Variants in ALKBH8 observed in about 807,000 individuals in gnomAD.
ALKBH8 encodes tRNA (carboxymethyluridine(34)-5-O)-methyltransferase ALKBH8.
ALKBH8 carries 36 observed loss-of-function variants against 59.8 expected under a neutral mutation model. The observed-to-expected ratio is 0.60, with a 90% CI of 0.46 to 0.79. The LOEUF (loss-of-function observed/expected upper bound fraction) is 0.79, where lower values mean the gene tolerates loss of function less well. ALKBH8 is among the 30% of genes least tolerant of loss of function. The pLI, the probability that ALKBH8 is intolerant of heterozygous loss-of-function variation, is 0.00. For missense variants in ALKBH8, 768 were observed against 801.0 expected (o/e 0.96, Z 0.50); for synonymous variants, 276 against 273.6 (o/e 1.01, Z -0.09).
chr11:107,509,638 T>C (rs1862540209), intron 11 of ALKBH8, among the ~76,000 whole-genome samples: 2 of 152,190 alleles, frequency 1.3e-5, no homozygotes, highest in African/African-American at 2.4e-5. Flanking sequence ...AGCTCTTCTG[T>C]ATAAGTCTTT....
chr11:107,544,549 T>A (rs1033920911), intron 7 of ALKBH8, among the ~76,000 whole-genome samples: 1 of 152,142 alleles, frequency 6.6e-6, no homozygotes, highest in South Asian at 2.1e-4. Context: ...AAAAATAGAA[T>A]TCAATGTATA....
At chr11:107,525,710 G>C in intron 8 of ALKBH8, 118 bp from the exon 9 acceptor site, 1 of 673,592 alleles carries the variant, frequency 1.5e-6, no homozygotes, top group Non-Finnish European at 2.2e-6. Flanking sequence ...ATATCTATTG[G>C]ATTCCCTGAA....
chr11:107,564,316 G>T (rs1438321247), intron 1 of ALKBH8, among the ~76,000 whole-genome samples: 1 of 151,704 alleles, frequency 6.6e-6, no homozygotes, highest in African/African-American at 2.4e-5. Context: ...ATAATAGAGA[G>T]CCTATTATGA....
chr11:107,521,650 A>T (rs1349794172), intron 10 of ALKBH8, among the ~76,000 whole-genome samples: 2 of 152,168 alleles, frequency 1.3e-5, no homozygotes, highest in Admixed American at 1.3e-4. Flanking sequence ...TTCTTAGCAC[A>T]GCAGAAAAAA....
chr11:107,516,260 C>A (rs996061870), intron 10 of ALKBH8, among the ~76,000 whole-genome samples: 12 of 152,304 alleles, frequency 7.9e-5, no homozygotes, highest in Middle Eastern at 6.8e-3. Flanking sequence ...CCCATTGACT[C>A]TCAATATACA....
intron 11 of ALKBH8, among the ~76,000 whole-genome samples, chr11:107,506,445 A>G (rs1029148363): frequency 1.3e-5 from 2 of 152,094 alleles, no homozygotes; most frequent in African/African-American, 4.8e-5. Context: ...TCCCCAGACA[A>G]AGCCTTTTTA....
At chr11:107,556,726 C>G in intron 3 of ALKBH8, 40 bp downstream of exon 3, 1 of 1,293,542 alleles carries the variant, frequency 7.7e-7, no homozygotes, top group African/African-American at 1.5e-5. Context: ...AGAAAACACC[C>G]AGAAGAATCA....
intron 7 of ALKBH8, among the ~76,000 whole-genome samples, chr11:107,548,195 C>T (rs1013211183): frequency 2.0e-5 from 3 of 152,230 alleles, no homozygotes; most frequent in African/African-American, 7.2e-5. Context: ...GGAGCTAACA[C>T]ATGTCCTGTT....
chr11:107,554,054 C>A, intron 3 of ALKBH8, 76 bp from the exon 4 acceptor site: 1 of 1,536,804 alleles, frequency 6.5e-7, no homozygotes, highest in South Asian at 1.2e-5. Flanking sequence ...CCCAATAACT[C>A]TTTATCAGTT....
Position 107,522,454 on chromosome 11 carries a change from C to T in ALKBH8, c.1132G>A (p.Val378Ile), listed in dbSNP as rs1863155569. 1 of 1,551,618 alleles carries T rather than the reference C, an allele frequency of 6.4e-7. No homozygotes were observed. Among genetic ancestry groups the T allele is most frequent in the Non-Finnish European group, 8.7e-7 (1 of 1,147,012 alleles). The part of the protein sequence containing the change: ...SRLEQEYVHQ[V>I]YEEIAGHFSS... ...AAGTGCCCAGCAATCTCTTCATAAA[C>T]CTGATGGACGTACTCTTGCTCCAGC... Residue 378 changes from valine to isoleucine, a missense_variant, in exon 10 of 12, where the codon GTT (valine) becomes ATT (isoleucine). Coordinates refer to ENST00000428149, the MANE Select transcript of ALKBH8 (RefSeq NM_138775.3).
chr11:107,503,480 G>T lies in ALKBH8; in HGVS notation c.*1178C>A, dbSNP rs1862255342. 1 of 151,988 alleles carries T rather than the reference G, an allele frequency of 6.6e-6. No homozygotes were observed. Among genetic ancestry groups the T allele is most frequent in the Non-Finnish European group, 1.5e-5 (1 of 67,972 alleles). 9.4% of individuals were successfully genotyped at this position (151,988 alleles called of 1,614,324 possible). On this transcript the variant is annotated 3_prime_UTR_variant, in exon 12 of 12. Coordinates refer to ENST00000428149, the MANE Select transcript of ALKBH8 (RefSeq NM_138775.3). ...AAGTAATGCATACTGGGAGTAAAGT[G>T]TTCAAAAAATTTTTTCTTTGAAAAA...
intron 8 of ALKBH8, among the ~76,000 whole-genome samples, chr11:107,525,883 A>G (rs1247065520): frequency 6.6e-6 from 1 of 152,062 alleles, no homozygotes; most frequent in African/African-American, 2.4e-5. Context: ...AGATGATGCC[A>G]AGAGGAAACA....
At position 107,565,640 on chromosome 11, in the gene ALKBH8, C is replaced by A; in HGVS notation, c.-46G>T. On this transcript the variant is annotated 5_prime_UTR_variant, in exon 1 of 12. Transcript: ENST00000428149. ...AGGCCGGATTCTCACCATGCGTGTG[C>A]CTTCTTCTTTGCCAGCCTCTCCACT... is the stretch of plus-strand genomic sequence containing the variant. The A allele has an allele frequency of 6.5e-7, 1 of 1,535,738 alleles. No individual in the cohort carries two copies. The highest frequency in any genetic ancestry group is 8.7e-7 in the Non-Finnish European group (1 of 1,146,920).
At position 107,553,182 on chromosome 11, in the gene ALKBH8, C is replaced by G; in HGVS notation, c.521G>C (p.Arg174Thr). The change falls in exon 5 of 12, where the codon AGA becomes ACA. Residue 174 changes from arginine (R) to threonine (T), a missense_variant. Transcript: ENST00000428149. Reference sequence around the variant, plus strand: ...CTCATAACCAAAATGCTTTACTCTTCTGTGTTTTAAGGATTTTTGAGCTGT... The same window carrying G: ...CTCATAACCAAAATGCTTTACTCTTGTGTGTTTTAAGGATTTTTGAGCTGT... ...NQNSQKSLKH[R>T]RVKHFGYEFH... 6.2e-7 allele frequency: 1 copy of G among 1,607,906 alleles called. No homozygotes were observed. The highest frequency in any genetic ancestry group is 8.5e-7 in the Non-Finnish European group (1 of 1,177,286).
intron 5 of ALKBH8, among the ~76,000 whole-genome samples, chr11:107,552,386 T>C (rs9943533): frequency 0.023 from 3,474 of 151,918 alleles, 149 homozygotes; most frequent in African/African-American, 0.08. Flanking sequence ...ATTAAAAAAA[T>C]AGATAAATTT....
intron 11 of ALKBH8, among the ~76,000 whole-genome samples, chr11:107,508,426 T>A (rs1437325791): frequency 6.6e-6 from 1 of 152,186 alleles, no homozygotes; most frequent in Non-Finnish European, 1.5e-5. Flanking sequence ...ACTCGCTTTG[T>A]CCTTCCAAAG....
intron 2 of ALKBH8, among the ~76,000 whole-genome samples, chr11:107,558,982 C>A (rs531591826): frequency 9.8e-4 from 149 of 152,296 alleles, no homozygotes; most frequent in African/African-American, 3.5e-3. Context: ...CCCATAATTC[C>A]CACATTTTGT....
intron 10 of ALKBH8, among the ~76,000 whole-genome samples, chr11:107,513,876 C>A (rs888055304): frequency 1.3e-5 from 2 of 152,074 alleles, no homozygotes; most frequent in African/African-American, 4.8e-5. Flanking sequence ...ACAAGAGACA[C>A]TGGGGCCTGC....
chr11:107,556,001 C>G (rs978073503), intron 3 of ALKBH8, among the ~76,000 whole-genome samples: 9 of 152,150 alleles, frequency 5.9e-5, no homozygotes, highest in Non-Finnish European at 1.2e-4. Flanking sequence ...AGGAATCAGC[C>G]GGGCACGGTG....
Sources: gnomAD v4.1 joint callset for allele counts (sites outside exome capture counted in the v4.1 genomes callset) on GRCh38, gnomAD v4.1.1 for gene constraint, MANE v1.5 for transcripts, NCBI Gene and HGNC (gene_info 2026-07-23, HGNC 2026-07-21) for gene names.